The following ZNF335 variants were observed in gnomAD, a reference collection of about 807,000 sequenced individuals.
The protein encoded by ZNF335 is NRC-interacting factor 1.
ZNF335 carries 84 observed loss-of-function variants against 145.6 expected under a neutral mutation model. That is an observed-to-expected ratio of 0.58 (90% CI 0.48 to 0.69). The LOEUF (loss-of-function observed/expected upper bound fraction) is 0.69. ZNF335 is among the 30% of genes least tolerant of loss of function. The pLI is 0.00. For synonymous variants in ZNF335, 761 were observed against 717.0 expected (o/e 1.06, Z -0.98); for missense variants, 1,865 against 1,809.7 (o/e 1.03, Z -0.55).
Position 45,958,051 on chromosome 20 carries a change from T to G in ZNF335, c.2254-123A>C, listed in dbSNP as rs2083761643. 1.1e-5 allele frequency: 8 copies of G among 719,534 alleles called. No homozygotes were observed. The South Asian group carries it at 1.4e-4, about 13-fold the overall frequency. 44.6% of individuals were successfully genotyped at this position (719,534 alleles called of 1,614,324 possible). On this transcript the variant is annotated intron_variant, in intron 15 of 27. Transcript: ENST00000322927. ...TGGCTTGTTTCATCTTCATAACCACTTTTCTTTTTTTTTTTTTGAGATGGA... is the reference window on the plus strand; with the variant it reads ...TGGCTTGTTTCATCTTCATAACCACGTTTCTTTTTTTTTTTTTGAGATGGA...
At chr20:45,969,349 A>T in intron 3 of ZNF335, 102 bp downstream of exon 3, 1 of 1,351,924 alleles carries the variant, frequency 7.4e-7, no homozygotes, top group South Asian at 2.1e-5. Flanking sequence ...TGCACATTCC[A>T]CATGGGAAAG....
intron 1 of ZNF335, 39 bp downstream of exon 1, chr20:45,972,083 A>G: frequency 1.6e-6 from 2 of 1,287,628 alleles, no homozygotes; most frequent in Non-Finnish European, 2.0e-6. Context: ...ACTCCACGGC[A>G]GGGTACGGTG....
chr20:45,971,378 G>A lies in ZNF335; in HGVS notation c.33C>T (p.Asp11=). The A allele has an allele frequency of 6.2e-7, 1 of 1,600,700 alleles. No individual in the cohort carries two copies. Residue 11 remains aspartate, a synonymous_variant, in exon 2 of 28, where the codon GAC becomes GAT. Coordinates refer to ENST00000322927, the MANE Select transcript of ZNF335 (RefSeq NM_022095.4). ...CGGGCCGGCCAGGCCCAGGGGCCGC[G>A]TCGCTGCTGCTCTCCACCTCGTTCT... MEENEVESSS[D]AAPGPGRPEE... is the part of the protein sequence containing the mutation.
intron 17 of ZNF335, among the ~76,000 whole-genome samples, chr20:45,954,171 T>C (rs747759699): frequency 4.6e-5 from 7 of 152,184 alleles, no homozygotes; most frequent in Non-Finnish European, 8.8e-5. Flanking sequence ...GGCAGAGCAG[T>C]TGTGCCCCCC....
chr20:45,972,057 C>T (rs1368050778), intron 1 of ZNF335, 65 bp downstream of exon 1: 7 of 1,271,580 alleles, frequency 5.5e-6, no homozygotes, highest in Non-Finnish European at 7.2e-6. Flanking sequence ...TCCGGGTATC[C>T]CCGCAGTGTG....
In ZNF335 at chr20:45,963,733, C is replaced by T. The variant is rs1315703210; in HGVS notation, c.1355+5G>A. On this transcript the variant is annotated splice_donor_5th_base_variant and intron_variant, in intron 8 of 27. Coordinates refer to ENST00000322927, the MANE Select transcript of ZNF335 (RefSeq NM_022095.4). ...ATGCCCCACCCTCACCTCTGCTCCA[C>T]ATACTTGCGGTATTTCTTGCCTAGG... The T allele has an allele frequency of 6.2e-7, 1 of 1,614,148 alleles. No individual in the cohort carries two copies. Among genetic ancestry groups the T allele is most frequent in the Non-Finnish European group, 8.5e-7 (1 of 1,179,980 alleles).
rs749940268 is a variant in ZNF335 at position 45,953,681 on chromosome 20, G to A, written c.2702+8C>T. On this transcript the variant is annotated splice_region_variant and intron_variant, in intron 18 of 27. Transcript: ENST00000322927. ...GCTGAAAGGGGCCTTGCAGGCAGCAGGTCTCACCTGTAAGGTGTGCCAGGA... is the reference window on the plus strand; with the variant it reads ...GCTGAAAGGGGCCTTGCAGGCAGCAAGTCTCACCTGTAAGGTGTGCCAGGA... 2 of 1,612,970 alleles carry A rather than the reference G, an allele frequency of 1.2e-6. No individual in the cohort carries two copies. The highest frequency in any genetic ancestry group is 1.3e-5 in the African/African-American group (1 of 75,038).
rs549422814 is a variant in ZNF335, at chr20:45,967,229, C to T, written c.955+265G>A. The T allele has an allele frequency of 4.1e-4, 211 of 510,750 alleles. 5 individuals carry two copies. The highest frequency in any genetic ancestry group is 3.9e-3 in the South Asian group (184 of 46,750). The allele number at this position is 510,750 out of a possible 1,614,324, so 31.6% of individuals were successfully genotyped here. On this transcript the variant is annotated intron_variant, in intron 6 of 27. Coordinates refer to ENST00000322927, the MANE Select transcript of ZNF335 (RefSeq NM_022095.4). ...CTACACTCCAGTCTGAGCAACAGGGCGAGGACCTCCTCTCGCACCTTTACT... is the reference window on the plus strand; with the variant it reads ...CTACACTCCAGTCTGAGCAACAGGGTGAGGACCTCCTCTCGCACCTTTACT...
intron 9 of ZNF335, 50 bp from the exon 10 acceptor site, chr20:45,962,232 A>G (rs779152074): frequency 6.9e-7 from 1 of 1,444,146 alleles, no homozygotes; most frequent in Non-Finnish European, 9.7e-7. Context: ...CTCCTCTCCC[A>G]TCCCCGTCCC....
At chr20:45,967,376 G>T in intron 6 of ZNF335, 118 bp downstream of exon 6, 1 of 1,507,442 alleles carries the variant, frequency 6.6e-7, no homozygotes. Context: ...GTCTTATACT[G>T]GAGGGACCTG....
At chr20:45,953,635 G>T in intron 18 of ZNF335, 54 bp downstream of exon 18, 2 of 1,598,188 alleles carry the variant, frequency 1.3e-6, no homozygotes, top group South Asian at 2.2e-5. Context: ...AAATCGGACC[G>T]ACCGACCACA....
intron 15 of ZNF335, among the ~76,000 whole-genome samples, chr20:45,958,705 G>C (rs1188295182): frequency 1.3e-5 from 2 of 152,298 alleles, no homozygotes; most frequent in Middle Eastern, 3.4e-3. Context: ...ACTAAGCAAC[G>C]ATCTTCAGGT....
At position 45,965,703 on chromosome 20, in the gene ZNF335, T is replaced by G. The variant is rs2083939529; in HGVS notation, c.1027A>C (p.Ser343Arg). ...RQLRLQRPTPSTPRPRRRPGR... is the reference protein window; with the variant it reads ...RQLRLQRPTPRTPRPRRRPGR... ...GGTCTCCTTCGGGGCCTTGGGGTAC[T>G]GGGGGTGGGGCGCTGGAGCCGAAGC... The change falls in exon 7 of 28, where the codon AGT (serine) becomes CGT (arginine). Residue 343 changes from serine (S) to arginine (R), a missense_variant. Physicochemically the swap from Ser to Arg is moderately radical, Grantham distance 110. Transcript: ENST00000322927. 1 of 1,603,848 alleles carries G rather than the reference T, an allele frequency of 6.2e-7. No homozygotes were observed. The highest frequency in any genetic ancestry group is 8.5e-7 in the Non-Finnish European group (1 of 1,175,960).
At position 45,967,730 on chromosome 20, in the gene ZNF335, G is replaced by A. The variant is rs1000992576; in HGVS notation, c.814+4C>T. ...TCCAAGCAGGTAGGCTGCTACTGAC[G>A]CACCTGGACGGAAGTGGCGTTCCCG... On this transcript the variant is annotated splice_donor_region_variant and intron_variant, in intron 5 of 27. Transcript: ENST00000322927. The A allele has an allele frequency of 6.8e-6, 11 of 1,608,576 alleles. No individual in the cohort carries two copies. Among genetic ancestry groups the A allele is most frequent in the Non-Finnish European group, 7.6e-6 (9 of 1,176,970 alleles).
At chr20:45,959,746 T>C (rs919450620) in intron 14 of ZNF335, among the ~76,000 whole-genome samples, 3 of 152,192 alleles carry the variant, frequency 2.0e-5, no homozygotes, top group Admixed American at 6.5e-5. Flanking sequence ...CCTAGTGTGC[T>C]GACCAGGGAG....
chr20:45,960,742 C>T lies in ZNF335; in HGVS notation c.1666-10G>A. ...AGCTCAGCTTTGGAGTCTAGGAAGG[C>T]ATAAGAAGGGGCCAGATGGAGAAAG... On this transcript the variant is annotated splice_polypyrimidine_tract_variant and intron_variant, in intron 11 of 27. Transcript: ENST00000322927. 6.2e-7 allele frequency: 1 copy of T among 1,613,416 alleles called. No individual in the cohort carries two copies. The highest frequency in any genetic ancestry group is 2.2e-5 in the East Asian group (1 of 44,856).
chr20:45,949,614 C>T, intron 24 of ZNF335, 46 bp from the exon 25 acceptor site: 1 of 1,559,688 alleles, frequency 6.4e-7, no homozygotes, highest in Non-Finnish European at 8.7e-7. Flanking sequence ...GCTGAGGCCC[C>T]ACTCGCCAGG....
chr20:45,959,368 G>A lies in ZNF335; in HGVS notation c.2086C>T (p.His696Tyr), dbSNP rs773156602. ...CTGCTTGCGTGTCGGCACCGTACGT[G>A]CAGGCGCAGGTTCTTCTTGTGCCGT... The part of the protein sequence containing the change: ...STRHKKNLRL[H>Y]VRCRHASSFE... Residue 696 changes from histidine (H) to tyrosine (Y), a missense_variant, in exon 15 of 28, where the codon CAC (histidine) becomes TAC (tyrosine). His to Tyr is a moderately conservative substitution (Grantham distance 83). Coordinates refer to ENST00000322927, the MANE Select transcript of ZNF335 (RefSeq NM_022095.4). 2 of 1,581,180 alleles carry A rather than the reference G, an allele frequency of 1.3e-6. No homozygotes were observed. The highest frequency in any genetic ancestry group is 1.7e-6 in the Non-Finnish European group (2 of 1,159,886).
chr20:45,949,521 C>G lies in ZNF335; in HGVS notation c.3717G>C (p.Gln1239His), dbSNP rs766508807. 1 of 1,613,542 alleles carries G rather than the reference C, an allele frequency of 6.2e-7. No homozygotes were observed. Among genetic ancestry groups the G allele is most frequent in the South Asian group, 1.1e-5 (1 of 91,066 alleles). Residue 1239 changes from glutamine (Q) to histidine (H), a missense_variant, in exon 25 of 28, where the codon CAG (glutamine) becomes CAC (histidine). By Grantham distance (24) the Gln-to-His change is conservative (BLOSUM62 0). Coordinates refer to ENST00000322927, the MANE Select transcript of ZNF335 (RefSeq NM_022095.4). Reference sequence around the variant, plus strand: ...GGCCTTCAGGGACCACAACATATTCCTGGGGGAGCAGGTGCTGGACACCAT... The same window carrying G: ...GGCCTTCAGGGACCACAACATATTCGTGGGGGAGCAGGTGCTGGACACCAT... Reference protein sequence around the residue: ...SQDGVQHLLPQEYVVVPEGHH... With the variant: ...SQDGVQHLLPHEYVVVPEGHH...
Sources: allele counts gnomAD v4.1 joint callset (sites outside exome capture counted in the v4.1 genomes callset), GRCh38; gene constraint gnomAD v4.1.1; transcripts MANE v1.5; gene names NCBI Gene and HGNC (gene_info 2026-07-23, HGNC 2026-07-21).